Variants in DOCK8 observed in about 807,000 individuals in gnomAD.
The protein encoded by DOCK8 is dedicator of cytokinesis protein 8.
A neutral mutation model predicts 245.6 loss-of-function variants in DOCK8; 141 were observed. That is an observed-to-expected ratio of 0.57 (90% CI 0.50 to 0.66). The LOEUF (loss-of-function observed/expected upper bound fraction) is 0.66. Ranked by LOEUF, DOCK8 falls within the 30% of genes least tolerant of loss-of-function variation. DOCK8 has a pLI of 0.00. For synonymous variants in DOCK8, 1,168 were observed against 970.2 expected (o/e 1.20, Z -3.79); for missense variants, 2,965 against 2,603.4 (o/e 1.14, Z -3.02).
intron 9 of DOCK8, among the ~76,000 whole-genome samples, chr9:329,064 C>G (rs2130834174): frequency 6.6e-6 from 1 of 151,070 alleles, no homozygotes; most frequent in South Asian, 2.1e-4. Context: ...ATTCTCCTGC[C>G]TCAGCCTCCC....
At chr9:360,121 G>T (rs922264745) in intron 14 of DOCK8, among the ~76,000 whole-genome samples, 8 of 151,924 alleles carry the variant, frequency 5.3e-5, no homozygotes, top group Non-Finnish European at 1.2e-4. Context: ...TTCGACACCA[G>T]CCTGGCCAAC....
intron 14 of DOCK8, among the ~76,000 whole-genome samples, chr9:346,146 G>A (rs2051873573): frequency 6.6e-6 from 1 of 152,004 alleles, no homozygotes; most frequent in Non-Finnish European, 1.5e-5. Context: ...AATTCTGAAA[G>A]CAGAGCAGAA....
At chr9:360,425 T>C (rs1306705259) in intron 14 of DOCK8, among the ~76,000 whole-genome samples, 5 of 152,132 alleles carry the variant, frequency 3.3e-5, no homozygotes, top group African/African-American at 1.2e-4. Context: ...TTCCCTAAGC[T>C]GGAAGCACCA....
chr9:463,415 G>A (rs2057866986), intron 46 of DOCK8, 102 bp from the exon 47 acceptor site: 4 of 1,453,840 alleles, frequency 2.8e-6, no homozygotes, highest in Admixed American at 1.8e-5. Context: ...GTTTGAAAAC[G>A]TTCTTAAAGT....
At position 399,233 on chromosome 9, in the gene DOCK8, A is replaced by G. The variant is rs73382631; in HGVS notation, c.3208A>G (p.Asn1070Asp). The G allele has an allele frequency of 6.2e-3, 10,001 of 1,613,616 alleles. 476 individuals carry two copies. In the African/African-American group the frequency reaches 0.11, roughly 17 times the overall value. ...LSLMDRGFVF[N>D]LIRHYCSQLS... The stretch of plus-strand genomic sequence containing the variant: ...CCTCATGGATCGGGGCTTTGTGTTT[A>G]ACCTCATCAGACATTATTGCAGCCA... Residue 1070 changes from asparagine (N) to aspartate (D), a missense_variant, in exon 26 of 48, where the codon AAC becomes GAC. Transcript: ENST00000432829.
At chr9:219,243 G>C (rs888938576) in intron 1 of DOCK8, among the ~76,000 whole-genome samples, 2 of 152,206 alleles carry the variant, frequency 1.3e-5, no homozygotes, top group African/African-American at 4.8e-5. Flanking sequence ...GCCAAGGCGG[G>C]ACGATCACCT....
At chr9:393,085 CAAAA>C (rs1159933739) in intron 24 of DOCK8, among the ~76,000 whole-genome samples, 571 of 44,622 alleles carry the variant, frequency 0.013, 4 homozygotes, top group African/African-American at 0.034. Flanking sequence ...GACCCTGTCT[CAAAA>C]AAAAAAAAAA....
At chr9:402,165 C>T (rs549242837) in intron 26 of DOCK8, among the ~76,000 whole-genome samples, 1 of 152,226 alleles carries the variant, frequency 6.6e-6, no homozygotes, top group African/African-American at 2.4e-5. Flanking sequence ...AGGTAGATAT[C>T]TGCCTTCCCT....
intron 33 of DOCK8, among the ~76,000 whole-genome samples, chr9:423,261 T>C (rs895117697): frequency 5.3e-5 from 8 of 152,208 alleles, no homozygotes; most frequent in African/African-American, 1.7e-4. Context: ...ATAGATATAT[T>C]GACGTGTATT....
chr9:242,999 C>T (rs551383309), intron 1 of DOCK8, among the ~76,000 whole-genome samples: 267 of 152,190 alleles, frequency 1.8e-3, no homozygotes, highest in African/African-American at 6.2e-3. Context: ...TTTTTTCTAT[C>T]TTTTCATTAG....
rs769842882 is a variant in DOCK8 at position 340,207 on chromosome 9, G to A, written c.1565G>A (p.Cys522Tyr). The stretch of plus-strand genomic sequence containing the variant: ...ACAGCTCCAGAGATCATCAATTGCT[G>A]TCTGACTCCTGAAATGCTGCCCGTG... ...ISTAPEIINC[C>Y]LTPEMLPVKP... The change falls in exon 14 of 48, where the codon TGT becomes TAT. Residue 522 changes from cysteine to tyrosine, a missense_variant. Coordinates refer to ENST00000432829, the MANE Select transcript of DOCK8 (RefSeq NM_203447.4). 6 of 1,613,968 alleles carry A rather than the reference G, an allele frequency of 3.7e-6. No homozygotes were observed. The African/African-American group carries it at 4.0e-5, about 11-fold the overall frequency.
At chr9:212,402 G>C (rs984223807), upstream of DOCK8, among the ~76,000 whole-genome samples, 1 of 152,122 alleles carries the variant, frequency 6.6e-6, no homozygotes, top group African/African-American at 2.4e-5. Context: ...CGGAGAAAGA[G>C]GAAGGCCAAG....
chr9:316,210 T>C (rs1056763902), intron 6 of DOCK8, among the ~76,000 whole-genome samples: 1 of 152,258 alleles, frequency 6.6e-6, no homozygotes, highest in African/African-American at 2.4e-5. Context: ...GATGTGACCC[T>C]GTTCTTTGGA....
chr9:336,452 A>G, intron 11 of DOCK8, 130 bp from the exon 12 acceptor site: 1 of 1,285,956 alleles, frequency 7.8e-7, no homozygotes, highest in East Asian at 2.3e-5. Flanking sequence ...GGACATTTTC[A>G]TTCAAAACAA....
intron 21 of DOCK8, among the ~76,000 whole-genome samples, chr9:382,263 C>G (rs1436462308): frequency 6.6e-6 from 1 of 152,180 alleles, no homozygotes; most frequent in Non-Finnish European, 1.5e-5. Context: ...CAGTAGTACC[C>G]CCTGCCTTTG....
intron 22 of DOCK8, among the ~76,000 whole-genome samples, chr9:383,690 G>A (rs1206520743): frequency 2.0e-5 from 2 of 99,642 alleles, no homozygotes; most frequent in Non-Finnish European, 3.6e-5. Context: ...ACAAGAGTGA[G>A]ACTCCGTCTC....
chr9:428,364 G>A lies in DOCK8; in HGVS notation c.4341G>A (p.Ala1447=), dbSNP rs144133844. 32 of 1,614,118 alleles carry A rather than the reference G, an allele frequency of 2.0e-5. No homozygotes were observed. The East Asian group carries it at 5.3e-4, about 27-fold the overall frequency. ...ILDMQENIIQ[A]SSALDCKDSL... ...ATGCTGTTCTTCCATTCCCCCAGGC[G>A]AGCTCGGCTCTGGACTGTAAAGACA... The change falls in exon 35 of 48, where the codon GCG becomes GCA. Residue 1447 remains alanine (A), a splice_region_variant and synonymous_variant. Transcript: ENST00000432829.
chr9:372,799 C>T (rs528893151), intron 18 of DOCK8, among the ~76,000 whole-genome samples: 1 of 147,732 alleles, frequency 6.8e-6, no homozygotes, highest in South Asian at 2.1e-4. Flanking sequence ...AAAGAGAAGC[C>T]CAGGTGGATC....
At chr9:390,229 C>T (rs1276465245) in intron 23 of DOCK8, among the ~76,000 whole-genome samples, 1 of 152,120 alleles carries the variant, frequency 6.6e-6, no homozygotes. Context: ...GAGTCCACTC[C>T]CTCAGATGTG....
Sources: gnomAD v4.1 joint callset for allele counts (sites outside exome capture counted in the v4.1 genomes callset) on GRCh38, gnomAD v4.1.1 for gene constraint, MANE v1.5 for transcripts, NCBI Gene and HGNC (gene_info 2026-07-23, HGNC 2026-07-21) for gene names.